Variants in CDH19 observed in about 807,000 individuals in gnomAD.
CDH19 encodes the protein cadherin-19.
CDH19 carries 67 observed loss-of-function variants against 64.2 expected under a neutral mutation model. That is an observed-to-expected ratio of 1.04 (90% CI 0.86 to 1.28). CDH19 has a LOEUF of 1.28. Ranked by LOEUF, CDH19 falls within the 50% of genes most tolerant of loss-of-function variation. The probability of loss-of-function intolerance (pLI) is 0.00; values close to 1 mark genes in which losing one functional copy is unlikely to be tolerated. For missense variants in CDH19, 1,030 were observed against 929.0 expected, an observed-to-expected ratio of 1.11 and a Z score of -1.41; for synonymous variants, 346 against 319.3, an observed-to-expected ratio of 1.08 and a Z score of -0.89.
chr18:66,601,349 A>T (rs1410433025), intron 1 of CDH19, among the ~76,000 whole-genome samples: 3 of 151,948 alleles, frequency 2.0e-5, no homozygotes, highest in Non-Finnish European at 2.9e-5. Context: ...GCACACAGAT[A>T]AAACTGCCTA....
At chr18:66,588,505 C>T (rs1380629396) in intron 1 of CDH19, among the ~76,000 whole-genome samples, 4 of 151,072 alleles carry the variant, frequency 2.6e-5, no homozygotes, top group Admixed American at 6.6e-5. Context: ...CTTTGTTTTG[C>T]CAACATTCAT....
intron 9 of CDH19, among the ~76,000 whole-genome samples, chr18:66,527,035 GTATA>G (rs749251440): frequency 5.9e-5 from 7 of 118,692 alleles, no homozygotes; most frequent in African/African-American, 2.2e-4. Context: ...ATATAAATAT[GTATA>G]TATATATATG....
Position 66,539,462 on chromosome 18 carries a change from CT to C in CDH19, c.1215-4356del, listed in dbSNP as rs767620678. Among the ~76,000 whole-genome samples, 122 of 152,086 alleles carry C rather than the reference CT, an allele frequency of 8.0e-4. 1 individual carries two copies. In the Middle Eastern group the frequency reaches 0.024, roughly 30 times the overall value. On this transcript the variant is annotated intron_variant, in intron 7 of 11. Coordinates refer to ENST00000262150, the MANE Select transcript of CDH19 (RefSeq NM_021153.4). ...TTCTATTCATATTGTGCTGATTGTG[CT>C]GATAGTTTTTATAATAAGTTAATTT...
intron 5 of CDH19, among the ~76,000 whole-genome samples, chr18:66,545,230 G>A (rs1987064466): frequency 6.6e-6 from 1 of 151,860 alleles, no homozygotes; most frequent in South Asian, 2.1e-4. Flanking sequence ...CACCTGCCTC[G>A]GCCTCCCAAA....
intron 3 of CDH19, 152 bp downstream of exon 3, chr18:66,568,264 A>G (rs1416327648): frequency 5.2e-6 from 3 of 582,186 alleles, no homozygotes; most frequent in South Asian, 2.5e-5. Flanking sequence ...ATTTTGATGC[A>G]TAGTCTAATT....
At chr18:66,578,806 T>A (rs1988340302) in intron 1 of CDH19, among the ~76,000 whole-genome samples, 1 of 151,992 alleles carries the variant, frequency 6.6e-6, no homozygotes, top group African/African-American at 2.4e-5. Flanking sequence ...TGCAATGTAA[T>A]GATACTCAGT....
At chr18:66,600,145 A>G (rs1989003255) in intron 1 of CDH19, among the ~76,000 whole-genome samples, 1 of 151,876 alleles carries the variant, frequency 6.6e-6, no homozygotes, top group Non-Finnish European at 1.5e-5. Context: ...TAAATGCGTG[A>G]CTGGGATTAT....
rs769206887 is a variant in CDH19, at chr18:66,535,040, G to A, written c.1282C>T (p.Leu428=). The A allele has an allele frequency of 1.3e-6, 2 of 1,525,696 alleles. No individual in the cohort carries two copies. The highest frequency in any genetic ancestry group is 2.5e-5 in the South Asian group (2 of 78,592). 94.5% of individuals were successfully genotyped at this position (1,525,696 alleles called of 1,614,324 possible). A position where few individuals can be genotyped will look rare whatever the true frequency, so the allele number is the denominator to read the frequency against. The change falls in exon 8 of 12, where the codon CTG becomes TTG. Residue 428 remains leucine (L), a synonymous_variant. Coordinates refer to ENST00000262150, the MANE Select transcript of CDH19 (RefSeq NM_021153.4). ...TACCAAGCACTGATTTCACGATCCAGTGAGTTACTTGTAGTGATTGTACCA... is the reference window on the plus strand; with the variant it reads ...TACCAAGCACTGATTTCACGATCCAATGAGTTACTTGTAGTGATTGTACCA... The part of the protein sequence containing the change: ...DNGTITTSNS[L]DREISAWYNL...
chr18:66,596,837 CTT>C (rs1285886760), intron 1 of CDH19, among the ~76,000 whole-genome samples: 1 of 151,512 alleles, frequency 6.6e-6, no homozygotes, highest in Non-Finnish European at 1.5e-5. Flanking sequence ...AGTCCCAGCA[CTT>C]TGGGAGGCCG....
chr18:66,592,722 C>A (rs919809022), intron 1 of CDH19, among the ~76,000 whole-genome samples: 1 of 151,808 alleles, frequency 6.6e-6, no homozygotes, highest in East Asian at 1.9e-4. Flanking sequence ...GAATTTCATT[C>A]TTTTCTATGG....
chr18:66,574,404 G>GA (rs1988204111), intron 1 of CDH19, among the ~76,000 whole-genome samples: 1 of 150,730 alleles, frequency 6.6e-6, no homozygotes, highest in Non-Finnish European at 1.5e-5. Flanking sequence ...CAGAAAAATT[G>GA]AAAAAATAAA....
intron 8 of CDH19, 40 bp from the exon 9 acceptor site, chr18:66,530,006 T>A (rs1016544967): frequency 1.3e-5 from 13 of 1,037,780 alleles, no homozygotes; most frequent in Non-Finnish European, 1.8e-5. Flanking sequence ...TAACATATTT[T>A]AATATGTCTT....
At chr18:66,545,390 T>G (rs1987073136) in intron 5 of CDH19, among the ~76,000 whole-genome samples, 1 of 146,374 alleles carries the variant, frequency 6.8e-6, no homozygotes, top group Non-Finnish European at 1.5e-5. Context: ...TCTTTTTCCT[T>G]TCTTTCTTTC....
At chr18:66,532,764 G>C in intron 8 of CDH19, 1 of 449,634 alleles carries the variant, frequency 2.2e-6, no homozygotes, top group South Asian at 1.6e-5. Flanking sequence ...CTTGTTCTAA[G>C]TTGTAGAACT....
Position 66,551,234 on chromosome 18 carries a change from A to G in CDH19, c.635T>C (p.Met212Thr), listed in dbSNP as rs951439232. ...ATACTCATCTTGCAGTTCTCTATCC[A>G]TTTTAGAAGATATTCTTATGACTCC... ...TTGVIRISSK[M>T]DRELQDEYWV... is the part of the protein sequence containing the mutation. Residue 212 changes from methionine (M) to threonine (T), a missense_variant, in exon 5 of 12, where the codon ATG becomes ACG. Transcript: ENST00000262150. 6.6e-7 allele frequency: 1 copy of G among 1,519,794 alleles called. No individual in the cohort carries two copies. The highest frequency in any genetic ancestry group is 9.1e-7 in the Non-Finnish European group (1 of 1,097,674). The allele number at this position is 1,519,794 out of a possible 1,614,324, so 94.1% of individuals were successfully genotyped here. A position where few individuals can be genotyped will look rare whatever the true frequency, so the allele number is the denominator to read the frequency against.
intron 1 of CDH19, among the ~76,000 whole-genome samples, chr18:66,595,107 A>T (rs897312458): frequency 1.3e-5 from 2 of 152,122 alleles, no homozygotes; most frequent in Admixed American, 1.3e-4. Flanking sequence ...CAGGTCAACA[A>T]TGAAATTAAG....
chr18:66,596,174 A>T (rs1988882823), intron 1 of CDH19: 1 of 152,142 alleles, frequency 6.6e-6, no homozygotes, highest in South Asian at 2.1e-4. Flanking sequence ...ATATAATAAG[A>T]GCCATCTATG....
intron 8 of CDH19, among the ~76,000 whole-genome samples, chr18:66,534,097 GAA>G (rs112935684): frequency 2.9e-4 from 42 of 145,450 alleles, no homozygotes; most frequent in African/African-American, 9.5e-4. Flanking sequence ...TCCTTAAAAT[GAA>G]AAAAAAAAAT....
intron 1 of CDH19, among the ~76,000 whole-genome samples, chr18:66,599,759 T>A (rs1455222460): frequency 1.3e-5 from 2 of 152,020 alleles, no homozygotes; most frequent in African/African-American, 4.8e-5. Context: ...ATTAATGGCA[T>A]GAATATAGGA....
Sources: allele counts gnomAD v4.1 joint callset (sites outside exome capture counted in the v4.1 genomes callset), GRCh38; gene constraint gnomAD v4.1.1; transcripts MANE v1.5; gene names NCBI Gene and HGNC (gene_info 2026-07-23, HGNC 2026-07-21).